Variants in NKAIN2 observed in about 807,000 individuals in gnomAD.
The protein encoded by NKAIN2 is sodium/potassium-transporting ATPase subunit beta-1-interacting protein 2.
NKAIN2 carries 14 observed loss-of-function variants against 32.6 expected under a neutral mutation model. The ratio of observed to expected loss-of-function variants is 0.43; its 90% confidence interval spans 0.28 to 0.67. The LOEUF (loss-of-function observed/expected upper bound fraction) is 0.67. Ranked by LOEUF, NKAIN2 falls within the 30% of genes least tolerant of loss-of-function variation. NKAIN2 has a pLI of 0.17. For synonymous variants in NKAIN2, 80 were observed against 87.2 expected (o/e 0.92, Z 0.46); for missense variants, 198 against 258.3 (o/e 0.77, Z 1.60).
At chr6:124,400,893 A>G (rs915123348) in intron 3 of NKAIN2, among the ~76,000 whole-genome samples, 1 of 152,104 alleles carries the variant, frequency 6.6e-6, no homozygotes, top group Admixed American at 6.6e-5. Flanking sequence ...TTCTTTATTA[A>G]TATTTCCATA....
At chr6:124,030,297 A>G (rs932139352) in intron 1 of NKAIN2, among the ~76,000 whole-genome samples, 8 of 152,042 alleles carry the variant, frequency 5.3e-5, no homozygotes, top group Non-Finnish European at 1.2e-4. Context: ...TCACACCCCC[A>G]CTGATCCATG....
chr6:124,274,414 C>T (rs1794934429), intron 1 of NKAIN2, among the ~76,000 whole-genome samples: 1 of 151,950 alleles, frequency 6.6e-6, no homozygotes, highest in South Asian at 2.1e-4. Flanking sequence ...AACAAAGAAC[C>T]TATTATATTT....
intron 1 of NKAIN2, among the ~76,000 whole-genome samples, chr6:123,861,466 T>C (rs6569369): frequency 0.7 from 105,840 of 152,104 alleles, 37,775 homozygotes; most frequent in African/African-American, 0.86. Flanking sequence ...TAGTTTACAG[T>C]CCTGGTGATA....
chr6:124,066,869 TG>T (rs1783211521), intron 1 of NKAIN2, among the ~76,000 whole-genome samples: 2 of 30,738 alleles, frequency 6.5e-5, no homozygotes, highest in African/African-American at 4.2e-4. Context: ...CGTTTGTGTG[TG>T]TGTGTGTGTG....
chr6:124,620,294 T>C (rs1190679296), intron 3 of NKAIN2, among the ~76,000 whole-genome samples: 1 of 152,220 alleles, frequency 6.6e-6, no homozygotes, highest in Non-Finnish European at 1.5e-5. Context: ...AATTCTAACA[T>C]ACTTGTATTT....
At chr6:124,579,497 G>A (rs957041918) in intron 3 of NKAIN2, among the ~76,000 whole-genome samples, 2 of 152,182 alleles carry the variant, frequency 1.3e-5, no homozygotes, top group South Asian at 2.1e-4. Flanking sequence ...AATTGATCAA[G>A]CACAAGAAAT....
intron 1 of NKAIN2, among the ~76,000 whole-genome samples, chr6:123,875,608 C>T (rs1773134356): frequency 6.6e-6 from 1 of 152,002 alleles, no homozygotes; most frequent in Admixed American, 6.5e-5. Flanking sequence ...AAATTTTTTA[C>T]AAAACGTTAT....
intron 1 of NKAIN2, among the ~76,000 whole-genome samples, chr6:124,064,540 AG>A (rs1783072477): frequency 6.6e-6 from 1 of 152,024 alleles, no homozygotes. Context: ...AGTTAAAACT[AG>A]AAAACAAAAT....
Position 124,721,108 on chromosome 6 carries a change from T to C in NKAIN2, c.474+62722T>C, listed in dbSNP as rs184304861. ...AGATGAGGACTTTTAACCATGATAC[T>C]GACATGGCTTAGAAATATGAAACGT... On this transcript the variant is annotated intron_variant, in intron 4 of 6. Coordinates refer to ENST00000368417, the MANE Select transcript of NKAIN2 (RefSeq NM_001040214.3). Among the ~76,000 whole-genome samples, 8 of 152,250 alleles carry C rather than the reference T, an allele frequency of 5.3e-5. No homozygotes were observed. The East Asian group carries it at 1.6e-3, about 30-fold the overall frequency.
chr6:124,623,155 A>G (rs1783172392), intron 3 of NKAIN2, among the ~76,000 whole-genome samples: 1 of 152,128 alleles, frequency 6.6e-6, no homozygotes, highest in African/African-American at 2.4e-5. Context: ...TCTGGGATTC[A>G]ATTATGGAGA....
intron 1 of NKAIN2, among the ~76,000 whole-genome samples, chr6:124,109,988 G>A (rs1785301452): frequency 7.7e-6 from 1 of 130,432 alleles, no homozygotes; most frequent in Admixed American, 8.2e-5. Context: ...ATGGGCTGTG[G>A]GATTCCATTT....
intron 1 of NKAIN2, among the ~76,000 whole-genome samples, chr6:124,219,185 A>G (rs1168173980): frequency 6.6e-6 from 1 of 152,166 alleles, no homozygotes; most frequent in East Asian, 1.9e-4. Context: ...CTTTTCTAGA[A>G]GTCCCTTCCA....
intron 1 of NKAIN2, among the ~76,000 whole-genome samples, chr6:124,231,186 T>G (rs1357143946): frequency 6.6e-6 from 1 of 152,238 alleles, no homozygotes; most frequent in Non-Finnish European, 1.5e-5. Context: ...TGGACTTGCA[T>G]GGGGCCTGTA....
At chr6:124,708,561 C>T (rs1775236977) in intron 4 of NKAIN2, among the ~76,000 whole-genome samples, 1 of 151,806 alleles carries the variant, frequency 6.6e-6, no homozygotes, top group Non-Finnish European at 1.5e-5. Flanking sequence ...CCTTCACATC[C>T]CTTGTAAGTT....
At chr6:124,638,180 T>C (rs542266307) in intron 3 of NKAIN2, among the ~76,000 whole-genome samples, 7 of 152,248 alleles carry the variant, frequency 4.6e-5, no homozygotes, top group African/African-American at 1.7e-4. Flanking sequence ...GGCTCTTCAA[T>C]ACATAGTGCT....
rs999359187 is a variant in NKAIN2 at position 124,201,160 on chromosome 6, G to T, written c.55-81845G>T. Reference sequence around the variant, plus strand: ...GCCTTTTACATACTAATACATATTTGTTCTGGATCATTTTCTGTTGGCATC... The same window carrying T: ...GCCTTTTACATACTAATACATATTTTTTCTGGATCATTTTCTGTTGGCATC... On this transcript the variant is annotated intron_variant, in intron 1 of 6. Transcript: ENST00000368417. Among the ~76,000 whole-genome samples the T allele has an allele frequency of 2.6e-5, 4 of 152,044 alleles. No individual in the cohort carries two copies. In the East Asian group the frequency reaches 7.7e-4, roughly 29 times the overall value.
At chr6:123,926,653 C>T (rs897937563) in intron 1 of NKAIN2, among the ~76,000 whole-genome samples, 1 of 152,202 alleles carries the variant, frequency 6.6e-6, no homozygotes, top group African/African-American at 2.4e-5. Flanking sequence ...TGCTCCCCCT[C>T]ATCTTGATTT....
At chr6:124,294,852 G>A (rs959489696) in intron 2 of NKAIN2, among the ~76,000 whole-genome samples, 5 of 152,042 alleles carry the variant, frequency 3.3e-5, no homozygotes, top group African/African-American at 9.7e-5. Context: ...ACTTCTGTTT[G>A]ACTAGACCTG....
rs1236513383 is a variant in NKAIN2 at position 124,355,351 on chromosome 6, A to C, written c.273+4A>C. 1 of 1,552,974 alleles carries C rather than the reference A, an allele frequency of 6.4e-7. No homozygotes were observed. The highest frequency in any genetic ancestry group is 1.7e-5 in the Admixed American group (1 of 59,906). ...GGAGGCTGGGGACCTCTCAAAGGTA[A>C]TTTACATCTAATTTGCCTGAGTCAT... On this transcript the variant is annotated splice_donor_region_variant and intron_variant, in intron 3 of 6. Transcript: ENST00000368417.
Sources: allele counts gnomAD v4.1 joint callset (sites outside exome capture counted in the v4.1 genomes callset), GRCh38; gene constraint gnomAD v4.1.1; transcripts MANE v1.5; gene names NCBI Gene and HGNC (gene_info 2026-07-23, HGNC 2026-07-21).